SNX6: variants seen among roughly 807,000 people sequenced by gnomAD.
The protein encoded by SNX6 is sorting nexin 6.
Under a neutral mutation model 63.0 loss-of-function variants are expected in SNX6, and 34 were observed. That is an observed-to-expected ratio of 0.54 (90% CI 0.41 to 0.72). SNX6 has a LOEUF of 0.72. SNX6 is among the 30% of genes least tolerant of loss of function. SNX6 has a pLI of 0.00. For missense variants in SNX6, 398 were observed against 471.4 expected, an observed-to-expected ratio of 0.84 and a Z score of 1.44; for synonymous variants, 170 against 164.2, an observed-to-expected ratio of 1.04 and a Z score of -0.27.
intron 10 of SNX6, among the ~76,000 whole-genome samples, chr14:34,580,393 C>A (rs892384366): frequency 6.6e-6 from 1 of 152,034 alleles, no homozygotes; most frequent in African/African-American, 2.4e-5. Flanking sequence ...ACCTTGACCT[C>A]CTGGGCTCAA....
intron 2 of SNX6, among the ~76,000 whole-genome samples, chr14:34,627,007 G>A (rs750996403): frequency 3.9e-5 from 6 of 152,032 alleles, no homozygotes; most frequent in Non-Finnish European, 7.4e-5. Context: ...TTTAAAACCC[G>A]AAATACAATT....
At chr14:34,583,121 A>G (rs866012528) in intron 9 of SNX6, among the ~76,000 whole-genome samples, 3 of 152,106 alleles carry the variant, frequency 2.0e-5, no homozygotes, top group Non-Finnish European at 4.4e-5. Flanking sequence ...CCTGGGTAAC[A>G]TGGTGAAACA....
chr14:34,601,899 G>A (rs115739397), intron 6 of SNX6, among the ~76,000 whole-genome samples: 1 of 151,946 alleles, frequency 6.6e-6, no homozygotes, highest in African/African-American at 2.4e-5. Flanking sequence ...ACCATGCCTG[G>A]CTAGTAACAT....
chr14:34,606,188 TATCTA>T (rs1210709716), intron 4 of SNX6, among the ~76,000 whole-genome samples: 2 of 144,728 alleles, frequency 1.4e-5, no homozygotes, highest in African/African-American at 5.3e-5. Flanking sequence ...AAAAAAAAGT[TATCTA>T]ATCTTTTTTT....
chr14:34,612,218 G>C (rs1446525952), intron 2 of SNX6, among the ~76,000 whole-genome samples: 1 of 152,166 alleles, frequency 6.6e-6, no homozygotes. Context: ...TGGGATTACA[G>C]ACGTGAGCCA....
intron 5 of SNX6, chr14:34,604,382 T>G: frequency 1.1e-6 from 1 of 910,068 alleles, no homozygotes; most frequent in Non-Finnish European, 1.4e-6. Flanking sequence ...TGAATATATA[T>G]CTGTCTGCTA....
chr14:34,607,965 C>T, intron 4 of SNX6, 65 bp downstream of exon 4: 2 of 826,020 alleles, frequency 2.4e-6, no homozygotes, highest in Non-Finnish European at 3.8e-6. Context: ...AACAAGATTC[C>T]AAAACATAAC....
intron 2 of SNX6, among the ~76,000 whole-genome samples, chr14:34,622,778 A>G (rs1055156233): frequency 6.6e-6 from 1 of 152,144 alleles, no homozygotes; most frequent in African/African-American, 2.4e-5. Context: ...GCCAGGCCCT[A>G]GAGCTAGATT....
chr14:34,629,562 C>A, intron 2 of SNX6: 1 of 575,590 alleles, frequency 1.7e-6, no homozygotes. Flanking sequence ...AATGGGTTTT[C>A]ATGGCCCCAA....
intron 6 of SNX6, 54 bp downstream of exon 6, chr14:34,603,294 A>AAAAG: frequency 6.5e-7 from 1 of 1,535,934 alleles, no homozygotes; most frequent in Non-Finnish European, 8.8e-7. Context: ...TCAAAAAAAA[A>AAAAG]AAGAAGAAGA....
intron 2 of SNX6, among the ~76,000 whole-genome samples, chr14:34,615,314 C>G (rs1883377445): frequency 6.6e-6 from 1 of 152,212 alleles, no homozygotes. Context: ...ACCATACTCA[C>G]AGGCTTATGT....
At chr14:34,607,938 G>A (rs1239885040) in intron 4 of SNX6, 92 bp downstream of exon 4, 1 of 623,998 alleles carries the variant, frequency 1.6e-6, no homozygotes, top group Admixed American at 3.3e-5. Context: ...CAAAAAAACA[G>A]TTCACAAAAA....
chr14:34,578,769 T>C (rs1348155292), intron 10 of SNX6, among the ~76,000 whole-genome samples: 1 of 148,528 alleles, frequency 6.7e-6, no homozygotes, highest in African/African-American at 2.5e-5. Flanking sequence ...TGAAACCCCA[T>C]CTCTACTAAA....
chr14:34,605,595 C>A lies in SNX6; in HGVS notation c.392+1G>T. 1 of 1,563,172 alleles carries A rather than the reference C, an allele frequency of 6.4e-7. No homozygotes were observed. Among genetic ancestry groups the A allele is most frequent in the Non-Finnish European group, 8.6e-7 (1 of 1,161,988 alleles). On this transcript the variant is annotated splice_donor_variant, in intron 5 of 13. Coordinates refer to ENST00000362031, the MANE Select transcript of SNX6 (RefSeq NM_152233.4). LOFTEE classifies it high-confidence loss of function. ...AACAAAAAAATAAAAAAATCACTTACGCTTCCAGTTCCTGTTTCATCTTTG... is the reference window on the plus strand; with the variant it reads ...AACAAAAAAATAAAAAAATCACTTAAGCTTCCAGTTCCTGTTTCATCTTTG...
intron 2 of SNX6, among the ~76,000 whole-genome samples, chr14:34,615,450 G>A (rs1280805283): frequency 6.6e-6 from 1 of 152,112 alleles, no homozygotes; most frequent in Non-Finnish European, 1.5e-5. Flanking sequence ...TCGACCTCCT[G>A]GGCTTAAGTG....
chr14:34,576,773 G>T (rs929585837), intron 10 of SNX6, among the ~76,000 whole-genome samples: 1 of 151,664 alleles, frequency 6.6e-6, no homozygotes, highest in Non-Finnish European at 1.5e-5. Flanking sequence ...GTTTCAATAT[G>T]ATCTTTTACC....
At chr14:34,574,867 TTTTTTC>T (rs1221189160) in intron 11 of SNX6, among the ~76,000 whole-genome samples, 1 of 151,390 alleles carries the variant, frequency 6.6e-6, no homozygotes, top group Non-Finnish European at 1.5e-5. Context: ...CAGCTCCTGC[TTTTTTC>T]TTTTTCTTTG....
At chr14:34,599,196 C>A (rs1024926021) in intron 6 of SNX6, among the ~76,000 whole-genome samples, 3 of 152,192 alleles carry the variant, frequency 2.0e-5, no homozygotes, top group Admixed American at 6.6e-5. Flanking sequence ...TAGAATACTA[C>A]CCATAAGCTC....
intron 7 of SNX6, among the ~76,000 whole-genome samples, chr14:34,595,402 G>A (rs1213688975): frequency 6.6e-6 from 1 of 152,180 alleles, no homozygotes; most frequent in African/African-American, 2.4e-5. Context: ...CTCCCAAAGT[G>A]CTAGGATTAT....
Sources: allele counts gnomAD v4.1 joint callset (sites outside exome capture counted in the v4.1 genomes callset), GRCh38; gene constraint gnomAD v4.1.1; transcripts MANE v1.5; gene names NCBI Gene and HGNC (gene_info 2026-07-23, HGNC 2026-07-21).